ATP10A: variants seen among roughly 807,000 people sequenced by gnomAD.
ATP10A encodes the protein phospholipid-transporting ATPase VA.
Under a neutral mutation model 147.8 loss-of-function variants are expected in ATP10A, and 111 were observed. The ratio of observed to expected loss-of-function variants is 0.75; its 90% CI spans 0.64 to 0.88. The LOEUF is 0.88. Among genes scored for constraint, ATP10A ranks in the 40% least tolerant of loss-of-function variants. ATP10A has a pLI of 0.00. For synonymous variants in ATP10A, 875 were observed against 841.6 expected (o/e 1.04, Z -0.69); for missense variants, 1,927 against 1,959.0 (o/e 0.98, Z 0.31).
chr15:25,676,811 T>C (rs1326013813), downstream of ATP10A, among the ~76,000 whole-genome samples: 2 of 152,188 alleles, frequency 1.3e-5, no homozygotes, highest in African/African-American at 4.8e-5. Context: ...ATCTTTATAC[T>C]TCACATGCCT....
intron 3 of ATP10A, among the ~76,000 whole-genome samples, chr15:25,735,786 G>A (rs879786725): frequency 2.6e-5 from 4 of 152,080 alleles, no homozygotes; most frequent in Admixed American, 6.6e-5. Context: ...TCACCTACCC[G>A]GGGCCTGCTA....
At chr15:25,788,879 ATC>A (rs1890287521) in intron 1 of ATP10A, among the ~76,000 whole-genome samples, 1 of 152,202 alleles carries the variant, frequency 6.6e-6, no homozygotes, top group African/African-American at 2.4e-5. Context: ...CTCCAATTAA[ATC>A]TGTGTTACAT....
At chr15:25,732,844 C>T (rs1048726587) in intron 3 of ATP10A, among the ~76,000 whole-genome samples, 4 of 152,068 alleles carry the variant, frequency 2.6e-5, no homozygotes, top group East Asian at 1.9e-4. Flanking sequence ...TGTGAGCCAC[C>T]GCGCCCGGCC....
intron 13 of ATP10A, among the ~76,000 whole-genome samples, chr15:25,695,348 G>C (rs1900264949): frequency 6.6e-6 from 1 of 152,212 alleles, no homozygotes; most frequent in African/African-American, 2.4e-5. Flanking sequence ...TTGGTGGCCA[G>C]GCACCGTGGG....
intron 1 of ATP10A, among the ~76,000 whole-genome samples, chr15:25,857,078 T>C (rs902722401): frequency 1.3e-4 from 20 of 152,206 alleles, no homozygotes; most frequent in Admixed American, 9.8e-4. Context: ...AATTCAAGCA[T>C]ACATATTGAA....
At chr15:25,741,725 C>CA (rs35767394) in intron 2 of ATP10A, among the ~76,000 whole-genome samples, 1 of 152,212 alleles carries the variant, frequency 6.6e-6, no homozygotes, top group Admixed American at 6.5e-5. Context: ...TTTACTTTTT[C>CA]ACTGCCAAGA....
chr15:25,722,920 C>A (rs574746923), intron 6 of ATP10A, among the ~76,000 whole-genome samples: 5 of 152,020 alleles, frequency 3.3e-5, no homozygotes, highest in Admixed American at 6.6e-5. Context: ...GGGAGGCATG[C>A]GAATTAATAA....
intron 10 of ATP10A, among the ~76,000 whole-genome samples, chr15:25,712,382 C>T (rs1335964812): frequency 6.6e-6 from 1 of 152,198 alleles, no homozygotes; most frequent in African/African-American, 2.4e-5. Flanking sequence ...CCCTGCTCTA[C>T]AGGACTGGAC....
intron 1 of ATP10A, among the ~76,000 whole-genome samples, chr15:25,859,162 C>T (rs1283219356): frequency 3.3e-5 from 5 of 152,176 alleles, no homozygotes; most frequent in Non-Finnish European, 7.3e-5. Flanking sequence ...GGGCTGAGTC[C>T]CTTTGCCCTT....
At chr15:25,826,524 C>T (rs539232489) in intron 1 of ATP10A, among the ~76,000 whole-genome samples, 12 of 152,224 alleles carry the variant, frequency 7.9e-5, no homozygotes, top group Admixed American at 2.6e-4. Flanking sequence ...ATTGCACCAC[C>T]GCACTCCAGC....
chr15:25,695,772 G>A (rs766990290), intron 13 of ATP10A, among the ~76,000 whole-genome samples: 19 of 152,038 alleles, frequency 1.2e-4, no homozygotes, highest in Non-Finnish European at 1.9e-4. Flanking sequence ...TAGACTGAAG[G>A]CCCTCCATGT....
chr15:25,685,097 A>G (rs927513538), intron 16 of ATP10A, among the ~76,000 whole-genome samples: 2 of 152,186 alleles, frequency 1.3e-5, no homozygotes, highest in Admixed American at 6.5e-5. Flanking sequence ...ATAAGTACTC[A>G]GATAATTGAG....
intron 5 of ATP10A, 113 bp from the exon 6 acceptor site, chr15:25,724,134 T>C: frequency 8.4e-7 from 1 of 1,185,158 alleles, no homozygotes. Flanking sequence ...GCACATTTGG[T>C]TTTCTTACTC....
At chr15:25,809,290 G>A (rs1455172367) in intron 1 of ATP10A, among the ~76,000 whole-genome samples, 1 of 152,138 alleles carries the variant, frequency 6.6e-6, no homozygotes, top group Non-Finnish European at 1.5e-5. Context: ...CATACGTCGG[G>A]CGGGGTGAGA....
Position 25,694,888 on chromosome 15 carries a change from TCGAC to T in ATP10A, c.3015_3018del (p.Ser1006ArgfsTer9). Reference sequence around the variant, plus strand: ...ACCACCATGCTCTTCTGCAGAGGCGTCGACCGACAGCAGAGGACGGAGCGGCACT... The same window carrying T: ...ACCACCATGCTCTTCTGCAGAGGCGTCGACAGCAGAGGACGGAGCGGCACT... On this transcript the variant is annotated frameshift_variant, in exon 14 of 21. Transcript: ENST00000555815. LOFTEE classifies it high-confidence loss of function. 1 of 1,614,114 alleles carries T rather than the reference TCGAC, an allele frequency of 6.2e-7. No homozygotes were observed. The highest frequency in any genetic ancestry group is 1.1e-5 in the South Asian group (1 of 91,080).
At chr15:25,672,431 A>G (rs7162589), downstream of ATP10A, among the ~76,000 whole-genome samples, 4,122 of 152,306 alleles carry the variant, frequency 0.027, 198 homozygotes, top group African/African-American at 0.095. Flanking sequence ...TATTGTGCAG[A>G]ATGCTGCTAT....
At chr15:25,775,810 AC>A (rs1889578646) in intron 2 of ATP10A, among the ~76,000 whole-genome samples, 1 of 152,242 alleles carries the variant, frequency 6.6e-6, no homozygotes, top group Non-Finnish European at 1.5e-5. Context: ...GCTCTTCCCG[AC>A]ACTGACGTGT....
upstream of ATP10A, chr15:25,863,544 G>C (rs1173623303): frequency 1.3e-5 from 2 of 152,296 alleles, no homozygotes; most frequent in African/African-American, 4.8e-5. Context: ...AACGCGCGCT[G>C]CCTGCAGTAG....
At chr15:25,706,910 G>C (rs777462043) in intron 12 of ATP10A, among the ~76,000 whole-genome samples, 8 of 152,186 alleles carry the variant, frequency 5.3e-5, no homozygotes, top group Non-Finnish European at 5.9e-5. Context: ...GTCTTCCGGG[G>C]AAGCCCAATC....
Sources: gnomAD v4.1 joint callset for allele counts (sites outside exome capture counted in the v4.1 genomes callset) on GRCh38, gnomAD v4.1.1 for gene constraint, MANE v1.5 for transcripts, NCBI Gene and HGNC (gene_info 2026-07-23, HGNC 2026-07-21) for gene names.